ERMAP: variants seen among roughly 807,000 people sequenced by gnomAD.
ERMAP encodes erythroid membrane-associated protein.
In ERMAP, 34 loss-of-function variants were observed where a neutral mutation model predicts 49.5. The observed-to-expected ratio is 0.69, with a 90% CI of 0.52 to 0.91. The LOEUF is 0.91. Among genes scored for constraint, ERMAP ranks in the 40% least tolerant of loss-of-function variants. ERMAP has a pLI of 0.00. For missense variants in ERMAP, 541 were observed against 582.6 expected (o/e 0.93, Z 0.74); for synonymous variants, 214 against 232.2 (o/e 0.92, Z 0.71).
In ERMAP at chr1:42,840,514, AT is replaced by A. The variant is rs1203744702; in HGVS notation, c.712+220del. On this transcript the variant is annotated intron_variant, in intron 11 of 11. Transcript: ENST00000372517. Reference sequence around the variant, plus strand: ...TCCCCTCTTTTAGAGCACTGATAATATTAGGTTTGGTCTTCTTAAGGGTTTT... The same window carrying A: ...TCCCCTCTTTTAGAGCACTGATAATATAGGTTTGGTCTTCTTAAGGGTTTT... Among the ~76,000 whole-genome samples, 4 of 152,252 alleles carry A rather than the reference AT, an allele frequency of 2.6e-5. No homozygotes were observed. The South Asian group carries it at 8.3e-4, about 32-fold the overall frequency.
At chr1:42,841,226 T>C (rs1174388404) in intron 11 of ERMAP, among the ~76,000 whole-genome samples, 1 of 152,216 alleles carries the variant, frequency 6.6e-6, no homozygotes, top group African/African-American at 2.4e-5. Flanking sequence ...ATTTACAGTC[T>C]GGCTTATTGC....
chr1:42,825,745 C>A lies in ERMAP; in HGVS notation c.-6+7C>A. 2.3e-6 allele frequency: 3 copies of A among 1,286,450 alleles called. No homozygotes were observed. Among genetic ancestry groups the A allele is most frequent in the Non-Finnish European group, 3.0e-6 (3 of 986,310 alleles). 79.7% of individuals were successfully genotyped at this position (1,286,450 alleles called of 1,614,324 possible). A position where few individuals can be genotyped will look rare whatever the true frequency, so the allele number is the denominator to read the frequency against. On this transcript the variant is annotated splice_region_variant and intron_variant, in intron 2 of 11. Coordinates refer to ENST00000372517, the MANE Select transcript of ERMAP (RefSeq NM_001017922.2). ...GTCCCTGATCCAGAAGGTGGTGAGT[C>A]CTCCTCTCTCTCTTCATGCTTTTTA...
chr1:42,831,145 A>G (rs773962354), intron 4 of ERMAP, 30 bp downstream of exon 4: 2 of 1,601,676 alleles, frequency 1.2e-6, no homozygotes, highest in Admixed American at 1.7e-5. Context: ...GCCCAGGGTC[A>G]TTTGTGGCAA....
Position 42,842,903 on chromosome 1 carries a change from G to A in ERMAP, c.1099G>A (p.Gly367Arg), listed in dbSNP as rs199698966. 1 of 1,614,184 alleles carries A rather than the reference G, an allele frequency of 6.2e-7. No individual in the cohort carries two copies. The highest frequency in any genetic ancestry group is 1.3e-5 in the African/African-American group (1 of 75,028). The change falls in exon 12 of 12, where the codon GGA (glycine) becomes AGA (arginine). Residue 367 changes from glycine to arginine, a missense_variant. Coordinates refer to ENST00000372517, the MANE Select transcript of ERMAP (RefSeq NM_001017922.2). ...GGGGATTTTCCTGGACTATGAAGCA[G>A]GAGTCATCTCTTTCTACAATGTGAC... ...CVGIFLDYEA[G>R]VISFYNVTNK... is the part of the protein sequence containing the mutation.
intron 2 of ERMAP, among the ~76,000 whole-genome samples, chr1:42,826,980 T>C (rs1654572781): frequency 6.6e-6 from 1 of 152,168 alleles, no homozygotes; most frequent in Non-Finnish European, 1.5e-5. Context: ...TAGCGATGTA[T>C]TGGAAAACAA....
intron 3 of ERMAP, 39 bp from the exon 4 acceptor site, chr1:42,830,729 C>A: frequency 6.7e-7 from 1 of 1,486,332 alleles, no homozygotes; most frequent in Non-Finnish European, 9.0e-7. Context: ...CTTTCTCCTG[C>A]CGTCCCTCCC....
At position 42,820,933 on chromosome 1, in the gene ERMAP, C is replaced by G. The variant is rs1383548413; in HGVS notation, c.-122+3680C>G. ...TAGCTAATTTAATCCTTACAACAAC[C>G]CCGGGAGGTAGAGCCAGGCCCTGGT... is the stretch of plus-strand genomic sequence containing the variant. On this transcript the variant is annotated intron_variant, in intron 1 of 11. Transcript: ENST00000372517. 2.0e-5 allele frequency among the ~76,000 whole-genome samples: 3 copies of G among 152,158 alleles called. No individual in the cohort carries two copies. The East Asian group carries it at 5.8e-4, about 29-fold the overall frequency.
Position 42,817,598 on chromosome 1 carries a change from A to C in ERMAP, c.-122+345A>C, listed in dbSNP as rs150297438. The C allele has an allele frequency of 1.3e-3, 201 of 152,110 alleles. 1 individual carries two copies. Among genetic ancestry groups the C allele is most frequent in the African/African-American group, 4.7e-3 (189 of 39,934 alleles). 9.4% of individuals were successfully genotyped at this position (152,110 alleles called of 1,614,324 possible). The stretch of plus-strand genomic sequence containing the variant: ...GGAATTGCTCAGAATTCGAATTCCG[A>C]GGCTCAATTTCTTAATTCGAAAAGT... On this transcript the variant is annotated intron_variant, in intron 1 of 11. Transcript: ENST00000372517.
In ERMAP at chr1:42,843,372, C is replaced by G; in HGVS notation, c.*140C>G. ...CCTTTTGTGGTTTCTATTTGTACCACTTTTCTCCCAGGCCTCAGTTCTGAA... is the reference window on the plus strand; with the variant it reads ...CCTTTTGTGGTTTCTATTTGTACCAGTTTTCTCCCAGGCCTCAGTTCTGAA... On this transcript the variant is annotated 3_prime_UTR_variant, in exon 12 of 12. Transcript: ENST00000372517. 1 of 598,892 alleles carries G rather than the reference C, an allele frequency of 1.7e-6. No individual in the cohort carries two copies. The highest frequency in any genetic ancestry group is 2.8e-6 in the Non-Finnish European group (1 of 358,088). The allele number at this position is 598,892 out of a possible 1,614,324, so 37.1% of individuals were successfully genotyped here. A position where few individuals can be genotyped will look rare whatever the true frequency, so the allele number is the denominator to read the frequency against.
At chr1:42,839,987 C>T (rs780461835) in intron 8 of ERMAP, 46 bp from the exon 9 acceptor site, 18 of 1,580,412 alleles carry the variant, frequency 1.1e-5, no homozygotes, top group African/African-American at 2.7e-5. Flanking sequence ...AGGGCCTCTA[C>T]ATAGAGGCCC....
chr1:42,830,900 G>C lies in ERMAP; in HGVS notation c.218G>C (p.Arg73Pro), dbSNP rs146247630. The C allele has an allele frequency of 6.2e-7, 1 of 1,613,896 alleles. No individual in the cohort carries two copies. Among genetic ancestry groups the C allele is most frequent in the African/African-American group, 1.3e-5 (1 of 74,926 alleles). Reference sequence around the variant, plus strand: ...TGGCTGCGGTCCCCATTCCCGCAGCGCTCCCAGGCTGTTCACATATTCCGG... The same window carrying C: ...TGGCTGCGGTCCCCATTCCCGCAGCCCTCCCAGGCTGTTCACATATTCCGG... ...VRWLRSPFPQ[R>P]SQAVHIFRDG... The change falls in exon 4 of 12, where the codon CGC (arginine) becomes CCC (proline). Residue 73 changes from arginine (R) to proline (P), a missense_variant. Arg to Pro is a moderately radical substitution (Grantham distance 103, BLOSUM62 -2). Coordinates refer to ENST00000372517, the MANE Select transcript of ERMAP (RefSeq NM_001017922.2).
chr1:42,825,699 T>G lies in ERMAP; in HGVS notation c.-45T>G, dbSNP rs1654523923. The G allele has an allele frequency of 7.8e-7, 1 of 1,289,270 alleles. No individual in the cohort carries two copies. The highest frequency in any genetic ancestry group is 1.0e-6 in the Non-Finnish European group (1 of 988,872). 79.9% of individuals were successfully genotyped at this position (1,289,270 alleles called of 1,614,324 possible). A position where few individuals can be genotyped will look rare whatever the true frequency, so the allele number is the denominator to read the frequency against. On this transcript the variant is annotated 5_prime_UTR_variant, in exon 2 of 12. Transcript: ENST00000372517. ...TGTTCCCAGCTTGCAAACTCCAGCT[T>G]TGCCTGTGAGAGGAACAAGCGTCCC...
intron 1 of ERMAP, among the ~76,000 whole-genome samples, chr1:42,818,382 A>C (rs1399739514): frequency 6.6e-6 from 1 of 152,002 alleles, no homozygotes; most frequent in African/African-American, 2.4e-5. Flanking sequence ...TGGCTAGGAG[A>C]GAGGGAAAAG....
chr1:42,842,179 C>G (rs1185593362), intron 11 of ERMAP, among the ~76,000 whole-genome samples: 1 of 152,194 alleles, frequency 6.6e-6, no homozygotes, highest in African/African-American at 2.4e-5. Context: ...AGCCCTACCT[C>G]TGAACACTGC....
At position 42,831,036 on chromosome 1, in the gene ERMAP, TGAG is replaced by T. The variant is rs748036779; in HGVS notation, c.357_359del (p.Glu119del). On this transcript the variant is annotated inframe_deletion, in exon 4 of 12. Transcript: ENST00000372517. ...CTCTGCAGATCCTTGACGTGCGCCT[TGAG>T]GACCAAGGGTCTTACCGATGTCTGA... 1.3e-5 allele frequency: 21 copies of T among 1,614,098 alleles called. No homozygotes were observed. Among genetic ancestry groups the T allele is most frequent in the Admixed American group, 5.0e-5 (3 of 60,004 alleles).
intron 1 of ERMAP, among the ~76,000 whole-genome samples, chr1:42,822,418 A>C (rs530433304): frequency 6.6e-6 from 1 of 152,316 alleles, no homozygotes; most frequent in East Asian, 1.9e-4. Context: ...TCCTGAACTC[A>C]GGTGACCCGC....
chr1:42,842,892 A>T lies in ERMAP; in HGVS notation c.1088A>T (p.Asp363Val), dbSNP rs1186507891. Reference protein sequence around the residue: ...EPPRCVGIFLDYEAGVISFYN... With the variant: ...EPPRCVGIFLVYEAGVISFYN... ...CCACGGTGTGTGGGGATTTTCCTGGACTATGAAGCAGGAGTCATCTCTTTC... is the reference window on the plus strand; with the variant it reads ...CCACGGTGTGTGGGGATTTTCCTGGTCTATGAAGCAGGAGTCATCTCTTTC... The change falls in exon 12 of 12, where the codon GAC becomes GTC. Residue 363 changes from aspartate (D) to valine (V), a missense_variant. By Grantham distance (152) the Asp-to-Val change is radical (BLOSUM62 -3). Transcript: ENST00000372517. The T allele has an allele frequency of 9.9e-6, 16 of 1,614,024 alleles. No homozygotes were observed. Among genetic ancestry groups the T allele is most frequent in the Non-Finnish European group, 1.2e-5 (14 of 1,180,046 alleles).
At position 42,817,227 on chromosome 1, in the gene ERMAP, C is replaced by T; in HGVS notation, c.-148C>T. 1 of 1,256,012 alleles carries T rather than the reference C, an allele frequency of 8.0e-7. No homozygotes were observed. The highest frequency in any genetic ancestry group is 1.0e-6 in the Non-Finnish European group (1 of 973,840). The allele number at this position is 1,256,012 out of a possible 1,614,324, so 77.8% of individuals were successfully genotyped here. A position where few individuals can be genotyped will look rare whatever the true frequency, so the allele number is the denominator to read the frequency against. On this transcript the variant is annotated 5_prime_UTR_variant, in exon 1 of 12. Coordinates refer to ENST00000372517, the MANE Select transcript of ERMAP (RefSeq NM_001017922.2). The stretch of plus-strand genomic sequence containing the variant: ...GGCCACTGGAAGTTGGAGCCTCCGC[C>T]GAGTCGCAGACAACGCCTCCGGGAG...
chr1:42,833,263 A>C (rs887651254), intron 4 of ERMAP, among the ~76,000 whole-genome samples: 1 of 152,254 alleles, frequency 6.6e-6, no homozygotes, highest in African/African-American at 2.4e-5. Flanking sequence ...TATATTGTAG[A>C]AAATTTGAAA....
Sources: allele counts gnomAD v4.1 joint callset (sites outside exome capture counted in the v4.1 genomes callset), GRCh38; gene constraint gnomAD v4.1.1; transcripts MANE v1.5; gene names NCBI Gene and HGNC (gene_info 2026-07-23, HGNC 2026-07-21).